Variants in SLC8A1 observed in about 807,000 individuals in gnomAD.
SLC8A1 encodes the protein solute carrier family 8 member A1.
SLC8A1 carries 18 observed loss-of-function variants against 68.3 expected under a neutral mutation model. The observed-to-expected ratio is 0.26, with a 90% CI of 0.18 to 0.39. The LOEUF is 0.39. SLC8A1 is among the 10% of genes least tolerant of loss of function. The probability of loss-of-function intolerance (pLI) is 1.00; values close to 1 mark genes in which losing one functional copy is unlikely to be tolerated. For synonymous variants in SLC8A1, 475 were observed against 415.5 expected (o/e 1.14, Z -1.74); for missense variants, 985 against 1,156.7 (o/e 0.85, Z 2.15).
intron 2 of SLC8A1, among the ~76,000 whole-genome samples, chr2:40,189,309 A>G (rs1028573408): frequency 2.6e-5 from 4 of 152,174 alleles, no homozygotes; most frequent in African/African-American, 9.6e-5. Flanking sequence ...CTTTTAAAGC[A>G]TCTTCCTGCA....
intron 2 of SLC8A1, among the ~76,000 whole-genome samples, chr2:40,277,258 G>A (rs1021951453): frequency 3.3e-5 from 5 of 151,664 alleles, no homozygotes; most frequent in African/African-American, 9.7e-5. Context: ...AACAGAGATA[G>A]TGCTGGGCAC....
chr2:40,456,008 G>T (rs1702986281), upstream of SLC8A1, among the ~76,000 whole-genome samples: 1 of 152,150 alleles, frequency 6.6e-6, no homozygotes, highest in African/African-American at 2.4e-5. Context: ...CTACATTTGA[G>T]CAACTGATAT....
intron 2 of SLC8A1, among the ~76,000 whole-genome samples, chr2:40,277,601 T>A (rs2066892109): frequency 6.6e-6 from 1 of 151,524 alleles, no homozygotes; most frequent in Non-Finnish European, 1.5e-5. Context: ...CTTATAAGGT[T>A]TTCATAAAAA....
chr2:40,353,380 T>G (rs570419670), intron 2 of SLC8A1, among the ~76,000 whole-genome samples: 31 of 152,220 alleles, frequency 2.0e-4, no homozygotes, highest in African/African-American at 6.7e-4. Context: ...CTCAAAAACT[T>G]GGCCTCATCT....
intron 7 of SLC8A1, among the ~76,000 whole-genome samples, chr2:40,121,608 C>T (rs1284762899): frequency 6.6e-6 from 1 of 152,018 alleles, no homozygotes; most frequent in Non-Finnish European, 1.5e-5. Flanking sequence ...TTGTGCTGCT[C>T]TGTTTGCCAG....
intron 1 of SLC8A1, among the ~76,000 whole-genome samples, chr2:40,510,115 C>T (rs933585215): frequency 6.6e-6 from 1 of 152,126 alleles, no homozygotes; most frequent in East Asian, 1.9e-4. Context: ...CGTGAGCCAC[C>T]GTGCCCGGCC....
At chr2:40,488,408 C>G (rs1050952259) in intron 1 of SLC8A1, among the ~76,000 whole-genome samples, 1 of 151,984 alleles carries the variant, frequency 6.6e-6, no homozygotes, top group Non-Finnish European at 1.5e-5. Context: ...GATGTGCAGG[C>G]AGACCCTCTT....
chr2:40,420,244 A>G (rs1389015864), intron 2 of SLC8A1, among the ~76,000 whole-genome samples: 2 of 152,122 alleles, frequency 1.3e-5, no homozygotes, highest in African/African-American at 4.8e-5. Context: ...CTTACTATTA[A>G]CCACCTCCAG....
intron 7 of SLC8A1, among the ~76,000 whole-genome samples, chr2:40,123,901 G>A (rs1320648741): frequency 2.0e-5 from 3 of 152,306 alleles, no homozygotes; most frequent in South Asian, 2.1e-4. Flanking sequence ...ATCTAGGGCT[G>A]CCCTGCACAG....
At position 40,355,962 on chromosome 2, in the gene SLC8A1, G is replaced by C. The variant is rs181153905; in HGVS notation, c.1808+72511C>G. Among the ~76,000 whole-genome samples the C allele has an allele frequency of 4.8e-3, 727 of 152,256 alleles. 5 individuals are homozygous for C. Among genetic ancestry groups the C allele is most frequent in the Non-Finnish European group, 5.8e-3 (394 of 68,004 alleles). On this transcript the variant is annotated intron_variant, in intron 2 of 7. Coordinates refer to ENST00000406785, the Ensembl canonical transcript of SLC8A1. ...CTTGGCCCCTTCAGGCACAAACATG[G>C]ATTGAACCTACGACATGCCAAGCAC... is the stretch of plus-strand genomic sequence containing the variant.
At position 40,327,148 on chromosome 2, in the gene SLC8A1, C is replaced by T. The variant is rs2075913849; in HGVS notation, c.1808+101325G>A. ...CAATCTTTCTCATATGCATGTTATA[C>T]ATTTGAAACCTATAATGCACAAATA... On this transcript the variant is annotated intron_variant, in intron 2 of 7. Coordinates refer to ENST00000406785, the Ensembl canonical transcript of SLC8A1. 2.0e-5 allele frequency among the ~76,000 whole-genome samples: 3 copies of T among 152,152 alleles called. No homozygotes were observed. The South Asian group carries it at 6.2e-4, about 32-fold the overall frequency.
intron 2 of SLC8A1, among the ~76,000 whole-genome samples, chr2:40,297,287 T>C (rs1054842754): frequency 6.6e-6 from 1 of 152,214 alleles, no homozygotes; most frequent in Admixed American, 6.5e-5. Flanking sequence ...TCTCAGGATT[T>C]TGAAAAAGTT....
At chr2:40,394,223 G>T (rs976040846) in intron 2 of SLC8A1, among the ~76,000 whole-genome samples, 1 of 152,040 alleles carries the variant, frequency 6.6e-6, no homozygotes, top group Non-Finnish European at 1.5e-5. Context: ...AGAACTATGT[G>T]TCCAACACGG....
rs945537078 is a variant in SLC8A1 at position 40,309,656 on chromosome 2, C to T, written c.1808+118817G>A. Reference sequence around the variant, plus strand: ...AAGTAGCTGGGACTACAGGTGTGTGCCACCATGCCCAGCTAATTTTTGTAT... The same window carrying T: ...AAGTAGCTGGGACTACAGGTGTGTGTCACCATGCCCAGCTAATTTTTGTAT... On this transcript the variant is annotated intron_variant, in intron 2 of 7. Transcript: ENST00000406785. 2.6e-5 allele frequency among the ~76,000 whole-genome samples: 4 copies of T among 152,040 alleles called. No individual in the cohort carries two copies. The East Asian group carries it at 7.8e-4, about 29-fold the overall frequency.
chr2:40,447,260 A>G (rs2149854786), intron 1 of SLC8A1, among the ~76,000 whole-genome samples: 1 of 152,268 alleles, frequency 6.6e-6, no homozygotes, highest in South Asian at 2.1e-4. Flanking sequence ...ATATAATTTC[A>G]CTCTAGGGAA....
chr2:40,231,057 C>G (rs1033960974), intron 2 of SLC8A1, among the ~76,000 whole-genome samples: 1 of 152,172 alleles, frequency 6.6e-6, no homozygotes, highest in Non-Finnish European at 1.5e-5. Flanking sequence ...TTGCTTGATT[C>G]TCTGAACGGG....
At chr2:40,261,630 A>G (rs895529141) in intron 2 of SLC8A1, among the ~76,000 whole-genome samples, 1 of 152,214 alleles carries the variant, frequency 6.6e-6, no homozygotes, top group Non-Finnish European at 1.5e-5. Context: ...TCAGCCATTC[A>G]GTGGAGAAAG....
chr2:40,388,193 G>A (rs956603849), intron 2 of SLC8A1, among the ~76,000 whole-genome samples: 1 of 152,214 alleles, frequency 6.6e-6, no homozygotes, highest in Non-Finnish European at 1.5e-5. Flanking sequence ...GATTAGGGCA[G>A]AACATTTGAG....
intron 1 of SLC8A1, among the ~76,000 whole-genome samples, chr2:40,484,212 C>T (rs1334906360): frequency 1.3e-5 from 2 of 152,184 alleles, no homozygotes; most frequent in Non-Finnish European, 2.9e-5. Context: ...ATGAGTATTA[C>T]AGCTTTTCCT....
Sources: allele counts gnomAD v4.1 joint callset (sites outside exome capture counted in the v4.1 genomes callset), GRCh38; gene constraint gnomAD v4.1.1; transcripts MANE v1.5; gene names NCBI Gene and HGNC (gene_info 2026-07-23, HGNC 2026-07-21).